The following B4GALNT4 variants were observed in gnomAD, a reference collection of about 807,000 sequenced individuals.
B4GALNT4 encodes the protein beta-1,4-N-acetyl-galactosaminyltransferase 4, also known as N-acetyl-beta-glucosaminyl-glycoprotein 4-beta-N-acetylgalactosaminyltransferase 1.
B4GALNT4 carries 77 observed loss-of-function variants against 110.0 expected under a neutral mutation model. That is an observed-to-expected ratio of 0.70 (90% CI 0.58 to 0.85). The LOEUF is 0.85. Ranked by LOEUF, B4GALNT4 falls within the 40% of genes least tolerant of loss-of-function variation. The pLI, the probability that B4GALNT4 is intolerant of heterozygous loss-of-function variation, is 0.00. For synonymous variants in B4GALNT4, 785 were observed against 655.5 expected, an observed-to-expected ratio of 1.20 and a Z score of -3.02; for missense variants, 1,575 against 1,506.0, an observed-to-expected ratio of 1.05 and a Z score of -0.76.
intron 18 of B4GALNT4, 52 bp from the exon 19 acceptor site, chr11:380,773 G>T (rs558434918): frequency 3.8e-6 from 6 of 1,569,782 alleles, no homozygotes; most frequent in Middle Eastern, 1.7e-4. Flanking sequence ...TTGCCGGGGG[G>T]ACCTTGCAGG....
chr11:381,146 A>T (rs1466564759), intron 19 of B4GALNT4, 195 bp downstream of exon 19: 3 of 984,806 alleles, frequency 3.0e-6, no homozygotes, highest in East Asian at 2.3e-4. Context: ...TCCCACCCCC[A>T]GGGTCCTGCA....
rs1399568486 is a variant in B4GALNT4 at position 375,469 on chromosome 11, T to C, written c.792T>C (p.Ala264=). 1.9e-6 allele frequency: 3 copies of C among 1,611,686 alleles called. No individual in the cohort carries two copies. The highest frequency in any genetic ancestry group is 2.7e-5 in the African/African-American group (2 of 74,838). The change falls in exon 9 of 20, where the codon GCT becomes GCC. Residue 264 remains alanine, a synonymous_variant. Coordinates refer to ENST00000329962, the MANE Select transcript of B4GALNT4 (RefSeq NM_178537.5). Reference sequence around the variant, plus strand: ...CCCTCTCTGCCCCGCAGTGGCGAGCTTTCCTGCCCGGCCTGAAGTTCGAGG... The same window carrying C: ...CCCTCTCTGCCCCGCAGTGGCGAGCCTTCCTGCCCGGCCTGAAGTTCGAGG... ...GSDHVEVGWR[A]FLPGLKFEVI...
In B4GALNT4 at chr11:381,943, GC is replaced by G; in HGVS notation, c.*155del. 2.1e-6 allele frequency: 2 copies of G among 959,680 alleles called. No individual in the cohort carries two copies. Among genetic ancestry groups the G allele is most frequent in the South Asian group, 2.4e-5 (1 of 41,992 alleles). 59.4% of individuals were successfully genotyped at this position (959,680 alleles called of 1,614,324 possible). ...CCCTCTCTGGCCCACTGGGCGTCGT[GC>G]CCCTCCCCGGAGAGGCAGCCTTCAC... On this transcript the variant is annotated 3_prime_UTR_variant, in exon 20 of 20. Transcript: ENST00000329962.
At chr11:379,741 G>T in intron 15 of B4GALNT4, 40 bp downstream of exon 15, 1 of 1,499,476 alleles carries the variant, frequency 6.7e-7, no homozygotes, top group Non-Finnish European at 8.9e-7. Flanking sequence ...AGACCTCGTG[G>T]AAGGAACATG....
rs1271573674 is a variant in B4GALNT4 at position 373,094 on chromosome 11, T to C, written c.513T>C (p.Gly171=). Residue 171 remains glycine, a synonymous_variant, in exon 5 of 20, where the codon GGT becomes GGC. Transcript: ENST00000329962. The part of the protein sequence containing the change: ...KWKNYGLRIF[G]FIHPARDGDV... Reference sequence around the variant, plus strand: ...AGAACTATGGACTCCGTATTTTTGGTTTCATCCACCCGGCGAGGGACGGTA... The same window carrying C: ...AGAACTATGGACTCCGTATTTTTGGCTTCATCCACCCGGCGAGGGACGGTA... The C allele has an allele frequency of 6.2e-7, 1 of 1,611,656 alleles. No homozygotes were observed. The highest frequency in any genetic ancestry group is 8.5e-7 in the Non-Finnish European group (1 of 1,179,724).
At chr11:373,428 C>A in intron 6 of B4GALNT4, 21 bp from the exon 7 acceptor site, 3 of 1,561,590 alleles carry the variant, frequency 1.9e-6, no homozygotes, top group Non-Finnish European at 2.6e-6. Flanking sequence ...CCACCACCAC[C>A]CCTGCTCTAT....
chr11:373,929 G>A, intron 8 of B4GALNT4, 101 bp downstream of exon 8: 9 of 1,219,534 alleles, frequency 7.4e-6, no homozygotes, highest in Non-Finnish European at 1.1e-5. Context: ...TGACAAAGCA[G>A]ATGGTCAGGG....
At chr11:373,551 T>C in intron 7 of B4GALNT4, 35 bp downstream of exon 7, 1 of 1,604,272 alleles carries the variant, frequency 6.2e-7, no homozygotes, top group Non-Finnish European at 8.5e-7. Context: ...CGTGCACTTG[T>C]GTATTCGTGG....
Position 372,149 on chromosome 11 carries a change from C to A in B4GALNT4, c.192C>A (p.Val64=), listed in dbSNP as rs1383772002. 1.3e-6 allele frequency: 2 copies of A among 1,549,726 alleles called. No individual in the cohort carries two copies. Among genetic ancestry groups the A allele is most frequent in the African/African-American group, 2.7e-5 (2 of 73,044 alleles). The change falls in exon 2 of 20, where the codon GTC becomes GTA. Residue 64 remains valine, a synonymous_variant. Transcript: ENST00000329962. ...CCAGTGAGACCGACGGCCGGGGGGT[C>A]CACGCTGCGCCATCCACACAGAGGG... ...KLTSETDGRG[V]HAAPSTQRAE...
In B4GALNT4 at chr11:381,924, C is replaced by G. The variant is rs1846884932; in HGVS notation, c.*132C>G. The G allele has an allele frequency of 8.8e-7, 1 of 1,133,096 alleles. No homozygotes were observed. Among genetic ancestry groups the G allele is most frequent in the African/African-American group, 1.7e-5 (1 of 60,488 alleles). 70.2% of individuals were successfully genotyped at this position (1,133,096 alleles called of 1,614,324 possible). A position where few individuals can be genotyped will look rare whatever the true frequency, so the allele number is the denominator to read the frequency against. ...AGCCACCGCCTGTGCCTGCCCCTCT[C>G]TGGCCCACTGGGCGTCGTGCCCCTC... On this transcript the variant is annotated 3_prime_UTR_variant, in exon 20 of 20. Coordinates refer to ENST00000329962, the MANE Select transcript of B4GALNT4 (RefSeq NM_178537.5).
In B4GALNT4 at chr11:378,816, G is replaced by A. The variant is rs149998487; in HGVS notation, c.2205-602G>A. Among the ~76,000 whole-genome samples, 116 of 152,224 alleles carry A rather than the reference G, an allele frequency of 7.6e-4. 3 individuals carry two copies. The highest frequency in any genetic ancestry group is 2.7e-3 in the African/African-American group (113 of 41,532). On this transcript the variant is annotated intron_variant, in intron 14 of 19. Coordinates refer to ENST00000329962, the MANE Select transcript of B4GALNT4 (RefSeq NM_178537.5). Reference sequence around the variant, plus strand: ...GGATCAGGACAGGAGCGGAACTGCTGCCTGGGGGAAAGGGGTGCTGTGAAG... The same window carrying A: ...GGATCAGGACAGGAGCGGAACTGCTACCTGGGGGAAAGGGGTGCTGTGAAG...
Position 373,515 on chromosome 11 carries a change from C to T in B4GALNT4, c.703C>T (p.Arg235Trp), listed in dbSNP as rs138345753. The change falls in exon 7 of 20, where the codon CGG becomes TGG. Residue 235 changes from arginine (R) to tryptophan (W), a missense_variant and splice_region_variant. Arg to Trp is a moderately radical substitution (Grantham distance 101). Coordinates refer to ENST00000329962, the MANE Select transcript of B4GALNT4 (RefSeq NM_178537.5). ...KFSSQVSKPRRLMASRRYYFE... is the reference protein window; with the variant it reads ...KFSSQVSKPRWLMASRRYYFE... ...CAGCTCCCAGGTGTCCAAGCCCAGG[C>T]GGTGAGTGACTGTGGGGTGCATGTG... The T allele has an allele frequency of 9.5e-5, 153 of 1,611,934 alleles. No individual in the cohort carries two copies. The highest frequency in any genetic ancestry group is 4.9e-4 in the East Asian group (22 of 44,870).
chr11:380,361 C>T lies in B4GALNT4; in HGVS notation c.2785C>T (p.Arg929Cys). 1 of 1,613,354 alleles carries T rather than the reference C, an allele frequency of 6.2e-7. No individual in the cohort carries two copies. The highest frequency in any genetic ancestry group is 8.5e-7 in the Non-Finnish European group (1 of 1,179,756). Residue 929 changes from arginine to cysteine, a missense_variant, in exon 18 of 20, where the codon CGC becomes TGC. Coordinates refer to ENST00000329962, the MANE Select transcript of B4GALNT4 (RefSeq NM_178537.5). Reference protein sequence around the residue: ...HFPPNILDGIRKHCVEGRLAF... With the variant: ...HFPPNILDGICKHCVEGRLAF... ...CCCACCCAACATCCTGGACGGCATC[C>T]GCAAGCACTGCGTGGAGGGCAGGCT...
intron 8 of B4GALNT4, among the ~76,000 whole-genome samples, 172 bp downstream of exon 8, chr11:374,000 C>A (rs1846673815): frequency 6.6e-6 from 1 of 152,122 alleles, no homozygotes; most frequent in African/African-American, 2.4e-5. Context: ...TGAGGCTTCA[C>A]TAGGAGTCAC....
intron 13 of B4GALNT4, 31 bp from the exon 14 acceptor site, chr11:376,390 G>A (rs370606427): frequency 1.2e-6 from 2 of 1,603,014 alleles, no homozygotes; most frequent in African/African-American, 1.3e-5. Flanking sequence ...ACCCACCTGC[G>A]CAGGGAGCTT....
rs746279970 is a variant in B4GALNT4 at position 375,599 on chromosome 11, G to C, written c.851-40G>C. ...CTGGGTGTGAGTGGGAAGAGTGGAG[G>C]AGGGGGTCTGAGCACTCCCTGGAAC... On this transcript the variant is annotated intron_variant, in intron 9 of 19. Coordinates refer to ENST00000329962, the MANE Select transcript of B4GALNT4 (RefSeq NM_178537.5). 4 of 1,599,584 alleles carry C rather than the reference G, an allele frequency of 2.5e-6. No homozygotes were observed. The South Asian group carries it at 3.3e-5, about 13-fold the overall frequency.
chr11:377,832 C>T (rs1189497808), intron 14 of B4GALNT4, among the ~76,000 whole-genome samples: 1 of 152,252 alleles, frequency 6.6e-6, no homozygotes, highest in Non-Finnish European at 1.5e-5. Flanking sequence ...GCCCCATTGG[C>T]CCCTCTGGTC....
At position 381,901 on chromosome 11, in the gene B4GALNT4, C is replaced by A; in HGVS notation, c.*109C>A. On this transcript the variant is annotated 3_prime_UTR_variant, in exon 20 of 20. Coordinates refer to ENST00000329962, the MANE Select transcript of B4GALNT4 (RefSeq NM_178537.5). The stretch of plus-strand genomic sequence containing the variant: ...GGCAGGGCTGGTCAGAGGGGCACAG[C>A]CACCGCCTGTGCCTGCCCCTCTCTG... 7.8e-7 allele frequency: 1 copy of A among 1,281,582 alleles called. No homozygotes were observed. The highest frequency in any genetic ancestry group is 1.0e-6 in the Non-Finnish European group (1 of 980,110). 79.4% of individuals were successfully genotyped at this position (1,281,582 alleles called of 1,614,324 possible). A position where few individuals can be genotyped will look rare whatever the true frequency, so the allele number is the denominator to read the frequency against.
In B4GALNT4 at chr11:373,021, C is replaced by G. The variant is rs377079460; in HGVS notation, c.445-5C>G. On this transcript the variant is annotated splice_polypyrimidine_tract_variant and splice_region_variant and intron_variant, in intron 4 of 19. Transcript: ENST00000329962. ...CTTCGACAGCAACAGTCACTGCCCCCCCAGACGCGCACCACCGTGAAGAAG... is the reference window on the plus strand; with the variant it reads ...CTTCGACAGCAACAGTCACTGCCCCGCCAGACGCGCACCACCGTGAAGAAG... 1.6e-5 allele frequency: 25 copies of G among 1,612,380 alleles called. No homozygotes were observed. The East Asian group carries it at 2.0e-4, about 13-fold the overall frequency.
Sources: allele counts gnomAD v4.1 joint callset (sites outside exome capture counted in the v4.1 genomes callset), GRCh38; gene constraint gnomAD v4.1.1; transcripts MANE v1.5; gene names NCBI Gene and HGNC (gene_info 2026-07-23, HGNC 2026-07-21).